The following GAP43 variants were observed in gnomAD, a reference collection of about 807,000 sequenced individuals.
GAP43 encodes the protein growth associated protein 43.
A neutral mutation model predicts 18.6 loss-of-function variants in GAP43; 6 were observed. The observed-to-expected ratio is 0.32, with a 90% CI of 0.18 to 0.64. The LOEUF is 0.64. Ranked by LOEUF, GAP43 falls within the 30% of genes least tolerant of loss-of-function variation. The pLI, the probability that GAP43 is intolerant of heterozygous loss-of-function variation, is 0.78. For synonymous variants in GAP43, 115 were observed against 111.4 expected (o/e 1.03, Z -0.20); for missense variants, 292 against 295.5 (o/e 0.99, Z 0.09).
rs1196991104 is a variant in GAP43, at chr3:115,652,030, TC to T, written c.31-23982del. On this transcript the variant is annotated intron_variant, in intron 1 of 2. Coordinates refer to ENST00000305124, the MANE Select transcript of GAP43 (RefSeq NM_002045.4). ...AGAATTTTCTTCCACCTTCATAGCTTCAACTATCACCTTCTCATAAAAGACA... is the reference window on the plus strand; with the variant it reads ...AGAATTTTCTTCCACCTTCATAGCTTAACTATCACCTTCTCATAAAAGACA... Among the ~76,000 whole-genome samples, 9 of 152,282 alleles carry T rather than the reference TC, an allele frequency of 5.9e-5. No homozygotes were observed. The East Asian group carries it at 1.5e-3, about 26-fold the overall frequency.
chr3:115,651,044 A>T (rs904206829), intron 1 of GAP43, among the ~76,000 whole-genome samples: 1 of 152,068 alleles, frequency 6.6e-6, no homozygotes, highest in Non-Finnish European at 1.5e-5. Flanking sequence ...AGGTGGGAGG[A>T]TTGTTTAAAT....
At chr3:115,641,694 G>T (rs944634908) in intron 1 of GAP43, among the ~76,000 whole-genome samples, 2 of 151,974 alleles carry the variant, frequency 1.3e-5, no homozygotes, top group Non-Finnish European at 2.9e-5. Context: ...AGGAAAAGTT[G>T]TCACCTTCTT....
chr3:115,650,402 G>A (rs1708506971), intron 1 of GAP43, among the ~76,000 whole-genome samples: 1 of 152,128 alleles, frequency 6.6e-6, no homozygotes. Context: ...TCAGAAGAAT[G>A]TAAACGATGT....
intron 1 of GAP43, among the ~76,000 whole-genome samples, chr3:115,642,728 T>A (rs964926474): frequency 1.3e-5 from 2 of 152,108 alleles, no homozygotes; most frequent in Non-Finnish European, 2.9e-5. Context: ...ATGTTAATAT[T>A]TATAACTATG....
At chr3:115,720,337 T>C (rs895804463) in intron 2 of GAP43, among the ~76,000 whole-genome samples, 3 of 152,192 alleles carry the variant, frequency 2.0e-5, no homozygotes, top group Non-Finnish European at 4.4e-5. Flanking sequence ...AGCTGAAAAT[T>C]CAACTACTTC....
intron 2 of GAP43, among the ~76,000 whole-genome samples, chr3:115,701,431 A>G (rs1396609532): frequency 6.6e-6 from 1 of 151,966 alleles, no homozygotes; most frequent in Non-Finnish European, 1.5e-5. Context: ...GCTCACCACC[A>G]AGTCAAATGG....
At chr3:115,693,487 AATTATT>A (rs142558403) in intron 2 of GAP43, among the ~76,000 whole-genome samples, 29,035 of 144,538 alleles carry the variant, frequency 0.2, 3,292 homozygotes, top group Admixed American at 0.32. Flanking sequence ...AATCCTGTTA[AATTATT>A]ATTATTATTA....
chr3:115,628,821 T>C lies in GAP43; in HGVS notation c.30+5102T>C, dbSNP rs1241849904. The stretch of plus-strand genomic sequence containing the variant: ...ACTAATCCTAGGTGATCTCATCAGG[T>C]CATCCACATCCAAATCTTTAGCCAC... On this transcript the variant is annotated intron_variant, in intron 1 of 2. Transcript: ENST00000305124. Among the ~76,000 whole-genome samples the C allele has an allele frequency of 6.6e-5, 10 of 152,200 alleles. No homozygotes were observed. In the East Asian group the frequency reaches 1.9e-3, roughly 29 times the overall value.
At chr3:115,659,270 T>C (rs6782517) in intron 1 of GAP43, among the ~76,000 whole-genome samples, 23,749 of 152,188 alleles carry the variant, frequency 0.16, 2,265 homozygotes, top group South Asian at 0.24. Context: ...AACAATGGCC[T>C]TTCATGATTA....
rs1164739917 is a variant in GAP43 at position 115,623,602 on chromosome 3, G to T, written c.-88G>T. On this transcript the variant is annotated 5_prime_UTR_variant, in exon 1 of 3. Transcript: ENST00000305124. ...AGCGCGAGAGAGCGAGTGAGCAAGC[G>T]AGCAGAAAAGAGGTGGAGAGGGGGG... 2.6e-6 allele frequency: 4 copies of T among 1,547,750 alleles called. No individual in the cohort carries two copies. Among genetic ancestry groups the T allele is most frequent in the Middle Eastern group, 3.4e-4 (2 of 5,960 alleles).
chr3:115,708,848 T>G (rs770109114), intron 2 of GAP43, among the ~76,000 whole-genome samples: 1 of 151,362 alleles, frequency 6.6e-6, no homozygotes, highest in African/African-American at 2.4e-5. Context: ...CTACAAGGAA[T>G]GTAGGACATC....
At chr3:115,629,384 C>T (rs542459640) in intron 1 of GAP43, among the ~76,000 whole-genome samples, 1 of 150,110 alleles carries the variant, frequency 6.7e-6, no homozygotes, top group Non-Finnish European at 1.5e-5. Context: ...TTTTCTAGTG[C>T]CAAATTCCAA....
At chr3:115,700,514 T>C (rs1462036298) in intron 2 of GAP43, among the ~76,000 whole-genome samples, 1 of 152,164 alleles carries the variant, frequency 6.6e-6, no homozygotes, top group Non-Finnish European at 1.5e-5. Flanking sequence ...GCATAGAGTC[T>C]TCCTAGCTGT....
At chr3:115,698,278 T>TATAAA (rs1553724682) in intron 2 of GAP43, among the ~76,000 whole-genome samples, 5 of 3,464 alleles carry the variant, frequency 1.4e-3, no homozygotes, top group African/African-American at 2.7e-3. Flanking sequence ...ATATATTATA[T>TATAAA]ATAAATATAA....
At chr3:115,669,913 GA>G (rs1393594489) in intron 1 of GAP43, among the ~76,000 whole-genome samples, 1 of 150,334 alleles carries the variant, frequency 6.7e-6, no homozygotes, top group East Asian at 2.0e-4. Context: ...CTTCAAACCA[GA>G]CTGCATGTTG....
chr3:115,693,137 G>A (rs1017446614), intron 2 of GAP43, among the ~76,000 whole-genome samples: 1 of 152,120 alleles, frequency 6.6e-6, no homozygotes, highest in Admixed American at 6.6e-5. Flanking sequence ...TGGTGTCCTC[G>A]TCTTTTCAAC....
At chr3:115,642,093 T>C (rs905415679) in intron 1 of GAP43, among the ~76,000 whole-genome samples, 39 of 152,186 alleles carry the variant, frequency 2.6e-4, no homozygotes, top group Non-Finnish European at 5.1e-4. Flanking sequence ...GCTACTCTTT[T>C]CAGAGGGGTG....
chr3:115,697,762 T>C (rs1036837774), intron 2 of GAP43, among the ~76,000 whole-genome samples: 3 of 151,960 alleles, frequency 2.0e-5, no homozygotes, highest in African/African-American at 7.3e-5. Flanking sequence ...AATCATCAAA[T>C]CAAAGTCATA....
At chr3:115,650,864 C>T (rs1159274931) in intron 1 of GAP43, among the ~76,000 whole-genome samples, 1 of 152,100 alleles carries the variant, frequency 6.6e-6, no homozygotes, top group Non-Finnish European at 1.5e-5. Flanking sequence ...CATGGTGGCT[C>T]ATGCCTGTAA....
Sources: gnomAD v4.1 joint callset for allele counts (sites outside exome capture counted in the v4.1 genomes callset) on GRCh38, gnomAD v4.1.1 for gene constraint, MANE v1.5 for transcripts, NCBI Gene and HGNC (gene_info 2026-07-23, HGNC 2026-07-21) for gene names.